FRMD4A: variants seen among roughly 807,000 people sequenced by gnomAD.
FRMD4A encodes FERM domain-containing protein 4A.
Under a neutral mutation model 129.1 loss-of-function variants are expected in FRMD4A, and 29 were observed. That is an observed-to-expected ratio of 0.22 (90% CI 0.17 to 0.31). FRMD4A has a LOEUF of 0.31. Ranked by LOEUF, FRMD4A falls within the 10% of genes least tolerant of loss-of-function variation. The probability of loss-of-function intolerance (pLI) is 1.00; values close to 1 mark genes in which losing one functional copy is unlikely to be tolerated. For missense variants in FRMD4A, 1,272 were observed against 1,375.8 expected (o/e 0.92, Z 1.19); for synonymous variants, 634 against 571.6 (o/e 1.11, Z -1.56).
intron 2 of FRMD4A, among the ~76,000 whole-genome samples, chr10:14,114,465 C>T (rs552353289): frequency 1.3e-5 from 2 of 152,310 alleles, no homozygotes; most frequent in Admixed American, 1.3e-4. Context: ...GGATTTATTC[C>T]TATTTTTAGC....
Position 13,951,668 on chromosome 10 carries a change from T to C in FRMD4A, c.46-92756A>G, listed in dbSNP as rs548960280. Among the ~76,000 whole-genome samples the C allele has an allele frequency of 6.5e-3, 989 of 151,854 alleles. 3 individuals carry two copies. Among genetic ancestry groups the C allele is most frequent in the Non-Finnish European group, 0.011 (758 of 67,898 alleles). On this transcript the variant is annotated intron_variant, in intron 2 of 24. Transcript: ENST00000357447. ...CCTTTGGGAGGCTGAGGTGGGTGAATCACCTGAGGTCAGTAGTTCAAGACG... is the reference window on the plus strand; with the variant it reads ...CCTTTGGGAGGCTGAGGTGGGTGAACCACCTGAGGTCAGTAGTTCAAGACG...
At chr10:14,215,677 C>A (rs2131962891) in intron 2 of FRMD4A, among the ~76,000 whole-genome samples, 1 of 152,106 alleles carries the variant, frequency 6.6e-6, no homozygotes, top group South Asian at 2.1e-4. Flanking sequence ...ATTCTGAAAG[C>A]TTTTCTTAGA....
At chr10:14,129,371 C>CTT (rs1839106022) in intron 2 of FRMD4A, among the ~76,000 whole-genome samples, 1 of 46,202 alleles carries the variant, frequency 2.2e-5, no homozygotes, top group Non-Finnish European at 4.2e-5. Context: ...AATTATGATT[C>CTT]ATATATATAT....
intron 15 of FRMD4A, 95 bp from the exon 16 acceptor site, chr10:13,675,139 G>A: frequency 8.7e-7 from 1 of 1,143,366 alleles, no homozygotes; most frequent in East Asian, 2.3e-5. Context: ...GCGGAGATGG[G>A]ATTTACCCCA....
At chr10:14,094,471 C>T (rs1836835927) in intron 2 of FRMD4A, among the ~76,000 whole-genome samples, 1 of 152,194 alleles carries the variant, frequency 6.6e-6, no homozygotes, top group Admixed American at 6.5e-5. Flanking sequence ...AGTCTCCTCT[C>T]ACTGTGAATG....
intron 2 of FRMD4A, chr10:13,971,566 A>C: frequency 1.4e-6 from 1 of 692,736 alleles, no homozygotes; most frequent in South Asian, 1.5e-5. Context: ...AGTCCCGAAC[A>C]CATGTGACAA....
chr10:13,808,719 G>A (rs896608009), intron 4 of FRMD4A, among the ~76,000 whole-genome samples: 2 of 152,162 alleles, frequency 1.3e-5, no homozygotes, highest in Non-Finnish European at 2.9e-5. Context: ...ACATCTGCTA[G>A]TTCTTTTTCA....
intron 2 of FRMD4A, among the ~76,000 whole-genome samples, chr10:14,264,449 C>G (rs2132037725): frequency 6.6e-6 from 1 of 152,300 alleles, no homozygotes; most frequent in South Asian, 2.1e-4. Flanking sequence ...TGAGGTATTG[C>G]TGGACTCTAG....
intron 2 of FRMD4A, among the ~76,000 whole-genome samples, chr10:14,329,030 C>G (rs1467360020): frequency 6.6e-6 from 1 of 152,188 alleles, no homozygotes; most frequent in Non-Finnish European, 1.5e-5. Context: ...ACCAAGATAT[C>G]TGTTCCTTTT....
intron 2 of FRMD4A, among the ~76,000 whole-genome samples, chr10:13,968,068 C>T (rs1173742913): frequency 1.3e-5 from 2 of 152,134 alleles, no homozygotes; most frequent in African/African-American, 4.8e-5. Flanking sequence ...CCCAGTGATC[C>T]TGATGCTGCC....
At chr10:14,146,402 A>C (rs1468252320) in intron 2 of FRMD4A, among the ~76,000 whole-genome samples, 1 of 152,228 alleles carries the variant, frequency 6.6e-6, no homozygotes, top group Non-Finnish European at 1.5e-5. Flanking sequence ...AGTCTGATAC[A>C]ATATAATTCA....
At chr10:14,071,902 G>A (rs950549619) in intron 2 of FRMD4A, among the ~76,000 whole-genome samples, 4 of 152,044 alleles carry the variant, frequency 2.6e-5, no homozygotes, top group African/African-American at 9.7e-5. Context: ...GAAAGAAGGA[G>A]GTGGTAGGAA....
chr10:13,657,034 C>A lies in FRMD4A; in HGVS notation c.2555G>T (p.Ser852Ile). Residue 852 changes from serine to isoleucine, a missense_variant, in exon 22 of 25, where the codon AGC becomes ATC. Physicochemically the swap from Ser to Ile is moderately radical, Grantham distance 142. Coordinates refer to ENST00000357447, the MANE Select transcript of FRMD4A (RefSeq NM_018027.5). Reference protein sequence around the residue: ...EGGATPVVVRSLESDQEGHYS... With the variant: ...EGGATPVVVRILESDQEGHYS... Reference sequence around the variant, plus strand: ...GTGGCCCTCCTGGTCGCTCTCCAGGCTGCGCACCACCACGGGCGTGGCGCC... The same window carrying A: ...GTGGCCCTCCTGGTCGCTCTCCAGGATGCGCACCACCACGGGCGTGGCGCC... 2 of 1,570,678 alleles carry A rather than the reference C, an allele frequency of 1.3e-6. No homozygotes were observed. The highest frequency in any genetic ancestry group is 1.7e-6 in the Non-Finnish European group (2 of 1,165,310).
chr10:13,987,584 G>C (rs985996164), intron 2 of FRMD4A, among the ~76,000 whole-genome samples: 1 of 152,174 alleles, frequency 6.6e-6, no homozygotes, highest in Non-Finnish European at 1.5e-5. Flanking sequence ...GTCTCTGGAT[G>C]GGAGACTAGA....
intron 5 of FRMD4A, among the ~76,000 whole-genome samples, chr10:13,788,822 A>G (rs2092928342): frequency 1.2e-5 from 1 of 85,636 alleles, no homozygotes; most frequent in Non-Finnish European, 2.5e-5. Context: ...AGCCTCGGGG[A>G]GTCCCGTCCC....
In FRMD4A at chr10:13,884,126, ACACACGCT is replaced by A. The variant is rs1326687091; in HGVS notation, c.46-25222_46-25215del. Among the ~76,000 whole-genome samples the A allele has an allele frequency of 5.2e-5, 3 of 57,316 alleles. 1 individual carries two copies. The highest frequency in any genetic ancestry group is 1.7e-4 in the Admixed American group (1 of 6,020). 37.6% of individuals were successfully genotyped at this position (57,316 alleles called of 152,430 possible). A position where few individuals can be genotyped will look rare whatever the true frequency, so the allele number is the denominator to read the frequency against. ...GAAACACACACACACACACACTCAC[ACACACGCT>A]CACACACACTCTCACACACTCTCAC... On this transcript the variant is annotated intron_variant, in intron 2 of 24. Transcript: ENST00000357447.
chr10:14,230,602 T>C (rs185974009), intron 2 of FRMD4A, among the ~76,000 whole-genome samples: 42 of 152,308 alleles, frequency 2.8e-4, no homozygotes, highest in Non-Finnish European at 5.4e-4. Context: ...GACGAGAATT[T>C]TTAAAATTTT....
intron 2 of FRMD4A, among the ~76,000 whole-genome samples, chr10:13,964,431 T>C (rs972415173): frequency 6.8e-6 from 1 of 147,624 alleles, no homozygotes; most frequent in African/African-American, 2.5e-5. Flanking sequence ...ATTTTTCCTA[T>C]AGTTTTACTG....
chr10:14,230,827 C>T (rs1222656985), intron 2 of FRMD4A, among the ~76,000 whole-genome samples: 2 of 152,192 alleles, frequency 1.3e-5, no homozygotes, highest in Non-Finnish European at 2.9e-5. Context: ...TGTTCCCTTC[C>T]TTGTGACCAT....
Sources: allele counts gnomAD v4.1 joint callset (sites outside exome capture counted in the v4.1 genomes callset), GRCh38; gene constraint gnomAD v4.1.1; transcripts MANE v1.5; gene names NCBI Gene and HGNC (gene_info 2026-07-23, HGNC 2026-07-21).